DIXDC1: variants seen among roughly 807,000 people sequenced by gnomAD.
DIXDC1 encodes the protein dixin.
A neutral mutation model predicts 103.1 loss-of-function variants in DIXDC1; 64 were observed. The ratio of observed to expected loss-of-function variants is 0.62; its 90% CI spans 0.51 to 0.76. The LOEUF (loss-of-function observed/expected upper bound fraction) is 0.76, where lower values mean the gene tolerates loss of function less well. Among genes scored for constraint, DIXDC1 ranks in the 30% least tolerant of loss-of-function variants. The pLI is 0.00. For missense variants in DIXDC1, 759 were observed against 834.2 expected (o/e 0.91, Z 1.11); for synonymous variants, 266 against 298.5 (o/e 0.89, Z 1.12).
chr11:111,947,257 T>C (rs1405609717), intron 1 of DIXDC1, among the ~76,000 whole-genome samples: 1 of 152,154 alleles, frequency 6.6e-6, no homozygotes, highest in Non-Finnish European at 1.5e-5. Context: ...ACACAAGTTA[T>C]AATTTTAAAA....
upstream of DIXDC1, chr11:111,937,325 T>C (rs1966238691): frequency 7.2e-7 from 1 of 1,379,644 alleles, no homozygotes. Flanking sequence ...CGTGCGAGCA[T>C]GCCCAGTGCA....
At chr11:112,003,139 TTAGA>T (rs1304032930) in intron 17 of DIXDC1, among the ~76,000 whole-genome samples, 2 of 152,132 alleles carry the variant, frequency 1.3e-5, no homozygotes, top group Non-Finnish European at 2.9e-5. Flanking sequence ...AAAAATACAG[TTAGA>T]TAGAAGGAGT....
Position 111,986,923 on chromosome 11 carries a change from A to G in DIXDC1, c.1061A>G (p.Lys354Arg). 1 of 1,571,008 alleles carries G rather than the reference A, an allele frequency of 6.4e-7. No homozygotes were observed. Among genetic ancestry groups the G allele is most frequent in the South Asian group, 1.2e-5 (1 of 85,822 alleles). Residue 354 changes from lysine to arginine, a missense_variant and splice_region_variant, in exon 9 of 20, where the codon AAG becomes AGG. By Grantham distance (26) the Lys-to-Arg change is conservative. Coordinates refer to ENST00000440460, the MANE Select transcript of DIXDC1 (RefSeq NM_001037954.4). ...DQSMEENQDL[K>R]KELLKCKQEA... is the part of the protein sequence containing the mutation. The stretch of plus-strand genomic sequence containing the variant: ...AGTATGGAGGAGAATCAGGACTTAA[A>G]GGTATGTCAAGACATGTACATTTTA...
chr11:111,967,465 C>T (rs1264324501), intron 2 of DIXDC1, among the ~76,000 whole-genome samples: 1 of 152,222 alleles, frequency 6.6e-6, no homozygotes, highest in East Asian at 1.9e-4. Flanking sequence ...TGATATCTAA[C>T]TTCTCATCAG....
intron 5 of DIXDC1, among the ~76,000 whole-genome samples, chr11:111,979,473 C>T (rs1221920684): frequency 6.6e-6 from 1 of 152,160 alleles, no homozygotes. Flanking sequence ...CCCCTCAGCC[C>T]CTGAGATTCT....
chr11:111,995,831 G>A (rs1555175345), intron 16 of DIXDC1, among the ~76,000 whole-genome samples: 1 of 152,122 alleles, frequency 6.6e-6, no homozygotes, highest in Non-Finnish European at 1.5e-5. Flanking sequence ...CTCCCTTTAC[G>A]CTTCTTCCCC....
chr11:111,935,683 G>A (rs1478845974), upstream of DIXDC1, among the ~76,000 whole-genome samples: 1 of 152,248 alleles, frequency 6.6e-6, no homozygotes, highest in East Asian at 1.9e-4. Flanking sequence ...CTCTCCGGGG[G>A]TGTTACACCA....
chr11:111,964,612 C>G lies in DIXDC1; in HGVS notation c.124C>G (p.Pro42Ala), dbSNP rs370213735. ...GCTGAAGAAGAGGCCAGCAGTGAAG[C>G]CTGTGCAGGACCTGCGACAAGATCT... The part of the protein sequence containing the change: ...AQLKKRPAVK[P>A]VQDLRQDLRD... The change falls in exon 2 of 20, where the codon CCT becomes GCT. Residue 42 changes from proline to alanine, a missense_variant. Pro to Ala is a conservative substitution (Grantham distance 27, BLOSUM62 -1). Coordinates refer to ENST00000440460, the MANE Select transcript of DIXDC1 (RefSeq NM_001037954.4). 59 of 1,612,126 alleles carry G rather than the reference C, an allele frequency of 3.7e-5. No individual in the cohort carries two copies. The highest frequency in any genetic ancestry group is 6.7e-5 in the African/African-American group (5 of 74,888).
intron 17 of DIXDC1, among the ~76,000 whole-genome samples, chr11:112,001,918 G>A (rs2137605419): frequency 6.6e-6 from 1 of 152,052 alleles, no homozygotes; most frequent in Middle Eastern, 3.4e-3. Context: ...CACCACACCT[G>A]GCTAATTTTT....
chr11:111,937,583 C>T (rs1555168377), intron 1 of DIXDC1, 24 bp downstream of exon 1: 6 of 1,565,358 alleles, frequency 3.8e-6, no homozygotes, highest in East Asian at 4.7e-5. Flanking sequence ...TCCTCCCACT[C>T]CTCAGCTCCC....
At position 111,964,597 on chromosome 11, in the gene DIXDC1, A is replaced by T; in HGVS notation, c.109A>T (p.Arg37Trp). 1 of 1,611,216 alleles carries T rather than the reference A, an allele frequency of 6.2e-7. No homozygotes were observed. Among genetic ancestry groups the T allele is most frequent in the Non-Finnish European group, 8.5e-7 (1 of 1,178,692 alleles). The change falls in exon 2 of 20, where the codon AGG (arginine) becomes TGG (tryptophan). Residue 37 changes from arginine to tryptophan, a missense_variant. Coordinates refer to ENST00000440460, the MANE Select transcript of DIXDC1 (RefSeq NM_001037954.4). The stretch of plus-strand genomic sequence containing the variant: ...CTGGGTGAATGCACAGCTGAAGAAG[A>T]GGCCAGCAGTGAAGCCTGTGCAGGA... Reference protein sequence around the residue: ...VAWVNAQLKKRPAVKPVQDLR... With the variant: ...VAWVNAQLKKWPAVKPVQDLR...
intron 3 of DIXDC1, among the ~76,000 whole-genome samples, chr11:111,973,658 C>T (rs1420440175): frequency 1.3e-5 from 2 of 152,202 alleles, no homozygotes; most frequent in African/African-American, 4.8e-5. Flanking sequence ...GCTGTTCCCT[C>T]TTCCTGGAAT....
intron 1 of DIXDC1, chr11:111,946,815 AG>A: frequency 2.2e-6 from 1 of 452,852 alleles, no homozygotes; most frequent in Non-Finnish European, 4.4e-6. Context: ...TTCTGTGAAC[AG>A]GGATTTGGGA....
chr11:112,002,055 C>T (rs1260548584), intron 17 of DIXDC1, among the ~76,000 whole-genome samples: 6 of 152,012 alleles, frequency 3.9e-5, no homozygotes, highest in African/African-American at 9.7e-5. Flanking sequence ...CTGCGCCTGG[C>T]TTGAGATTTT....
intron 5 of DIXDC1, 132 bp from the exon 6 acceptor site, chr11:111,980,605 C>G: frequency 1.7e-6 from 1 of 603,224 alleles, no homozygotes; most frequent in Non-Finnish European, 2.9e-6. Flanking sequence ...TTCTGTGGGC[C>G]AAGTACTGTG....
In DIXDC1 at chr11:111,968,494, A is replaced by G. The variant is rs782067629; in HGVS notation, c.191-19A>G. The G allele has an allele frequency of 2.5e-6, 4 of 1,609,566 alleles. No homozygotes were observed. The highest frequency in any genetic ancestry group is 1.3e-5 in the African/African-American group (1 of 74,830). Reference sequence around the variant, plus strand: ...AATATTCCTCCCTATAACTTCCTATATTTTCTCTCTCCTAACAGCAGGAGA... The same window carrying G: ...AATATTCCTCCCTATAACTTCCTATGTTTTCTCTCTCCTAACAGCAGGAGA... On this transcript the variant is annotated intron_variant, in intron 2 of 19. Transcript: ENST00000440460.
intron 1 of DIXDC1, among the ~76,000 whole-genome samples, chr11:111,929,624 C>G (rs1262742973): frequency 6.6e-6 from 1 of 150,958 alleles, no homozygotes; most frequent in Non-Finnish European, 1.5e-5. Flanking sequence ...TAAAATGCCA[C>G]TGGGATAGCC....
rs1209367015 is a variant in DIXDC1, at chr11:111,977,506, C to T, written c.656+2523C>T. On this transcript the variant is annotated intron_variant, in intron 5 of 19. Transcript: ENST00000440460. The surrounding 1 kb of genome is among the most constrained non-coding windows in gnomAD (Gnocchi z 6.1). ...GAGGGGAGGCAGCTTCCGCCGGGGC[C>T]GGGCTGCTGCACAGTCTGAGCGGCC... 9 of 1,351,280 alleles carry T rather than the reference C, an allele frequency of 6.7e-6. No individual in the cohort carries two copies. Among genetic ancestry groups the T allele is most frequent in the East Asian group, 6.7e-5 (2 of 30,014 alleles). The allele number at this position is 1,351,280 out of a possible 1,614,324, so 83.7% of individuals were successfully genotyped here.
chr11:111,995,751 A>T (rs1264458391), intron 16 of DIXDC1, among the ~76,000 whole-genome samples, 187 bp downstream of exon 16: 2 of 152,178 alleles, frequency 1.3e-5, no homozygotes, highest in Admixed American at 1.3e-4. Context: ...TCCAGAGAAG[A>T]AGTTCATGGT....
Sources: gnomAD v4.1 joint callset for allele counts (sites outside exome capture counted in the v4.1 genomes callset) on GRCh38, gnomAD v4.1.1 for gene constraint, Gnocchi (gnomAD v3.1) non-coding constraint, MANE v1.5 for transcripts, NCBI Gene and HGNC (gene_info 2026-07-23, HGNC 2026-07-21) for gene names.